Variants in ILRUN observed in about 807,000 individuals in gnomAD.
ILRUN encodes inflammation and lipid regulator with UBA-like and NBR1-like domains, also known as protein ILRUN.
ILRUN carries 3 observed loss-of-function variants against 33.8 expected under a neutral mutation model. The observed-to-expected ratio is 0.09, with a 90% CI of 0.04 to 0.23. ILRUN has a LOEUF of 0.23. Ranked by LOEUF, ILRUN falls within the 10% of genes least tolerant of loss-of-function variation. The pLI is 1.00. For synonymous variants in ILRUN, 124 were observed against 138.9 expected (o/e 0.89, Z 0.75); for missense variants, 210 against 375.1 (o/e 0.56, Z 3.64).
At chr6:34,613,586 G>GT (rs1165541235) in intron 3 of ILRUN, among the ~76,000 whole-genome samples, 1 of 152,208 alleles carries the variant, frequency 6.6e-6, no homozygotes, top group Non-Finnish European at 1.5e-5. Flanking sequence ...GTAAACGGAT[G>GT]TTATATAGTG....
chr6:34,660,618 T>TA (rs1420472346), intron 1 of ILRUN, among the ~76,000 whole-genome samples: 1 of 152,170 alleles, frequency 6.6e-6, no homozygotes, highest in Non-Finnish European at 1.5e-5. Flanking sequence ...TAAAGCCATG[T>TA]ACCACCAAGA....
intron 1 of ILRUN, among the ~76,000 whole-genome samples, chr6:34,689,072 T>C (rs1340169548): frequency 6.6e-6 from 1 of 152,190 alleles, no homozygotes; most frequent in Non-Finnish European, 1.5e-5. Context: ...TTAATGGGTG[T>C]AAAGTTTCAT....
At chr6:34,693,672 A>AT (rs71538256) in intron 1 of ILRUN, among the ~76,000 whole-genome samples, 9,200 of 145,056 alleles carry the variant, frequency 0.063, 537 homozygotes, top group East Asian at 0.32. Flanking sequence ...ATTTTATTTT[A>AT]TTTTTTTTTT....
intron 3 of ILRUN, among the ~76,000 whole-genome samples, chr6:34,639,437 C>T (rs997959475): frequency 1.6e-4 from 25 of 152,134 alleles, no homozygotes; most frequent in African/African-American, 5.8e-4. Context: ...ATCTGGAAGG[C>T]GGCTCTCTGT....
intron 3 of ILRUN, among the ~76,000 whole-genome samples, chr6:34,642,207 T>A (rs1460785409): frequency 6.6e-6 from 1 of 152,212 alleles, no homozygotes; most frequent in African/African-American, 2.4e-5. Context: ...ACGCTGGAGA[T>A]GCCCATAGCA....
chr6:34,637,278 C>T (rs536773525), intron 3 of ILRUN, among the ~76,000 whole-genome samples: 46 of 152,264 alleles, frequency 3.0e-4, no homozygotes, highest in Non-Finnish European at 5.9e-4. Flanking sequence ...TATTAAGATA[C>T]AAATTATGCT....
chr6:34,673,899 C>CCA (rs1424165638), intron 1 of ILRUN, among the ~76,000 whole-genome samples: 4 of 91,302 alleles, frequency 4.4e-5, no homozygotes, highest in Admixed American at 2.9e-4. Flanking sequence ...ACAGTAACAA[C>CCA]CACATACACA....
chr6:34,649,125 A>G (rs981587967), intron 2 of ILRUN, among the ~76,000 whole-genome samples: 2 of 152,258 alleles, frequency 1.3e-5, no homozygotes, highest in African/African-American at 4.8e-5. Context: ...CCTCTGGGCT[A>G]GAAGAGTTAT....
intron 1 of ILRUN, among the ~76,000 whole-genome samples, chr6:34,683,504 A>ATATACATATATATATG (rs1763447103): frequency 1.0e-5 from 1 of 99,282 alleles, no homozygotes; most frequent in African/African-American, 5.8e-5. Context: ...ATATACATAT[A>ATATACATATATATATG]TATATATATA....
intron 4 of ILRUN, among the ~76,000 whole-genome samples, chr6:34,600,770 A>T (rs187498823): frequency 2.3e-4 from 35 of 152,340 alleles, no homozygotes; most frequent in African/African-American, 8.4e-4. Context: ...TATTTGGTCA[A>T]CAATTGCCTT....
intron 3 of ILRUN, among the ~76,000 whole-genome samples, chr6:34,640,030 A>G (rs780223648): frequency 6.6e-6 from 1 of 152,060 alleles, no homozygotes; most frequent in Non-Finnish European, 1.5e-5. Context: ...GGTGGGGTGG[A>G]GTGGGAAGGG....
At chr6:34,627,540 G>A (rs1037765237) in intron 3 of ILRUN, among the ~76,000 whole-genome samples, 3 of 152,134 alleles carry the variant, frequency 2.0e-5, no homozygotes, top group African/African-American at 4.8e-5. Flanking sequence ...TATTGTTGGC[G>A]TTTGGGATTA....
intron 3 of ILRUN, among the ~76,000 whole-genome samples, chr6:34,623,075 A>G (rs1172001475): frequency 6.6e-6 from 1 of 152,174 alleles, no homozygotes; most frequent in Admixed American, 6.6e-5. Context: ...GGCGGTTTCC[A>G]ATGGCTGGGG....
Position 34,683,475 on chromosome 6 carries a change from C to T in ILRUN, c.158+12971G>A, listed in dbSNP as rs9766207. Among the ~76,000 whole-genome samples, 272 of 79,706 alleles carry T rather than the reference C, an allele frequency of 3.4e-3. 7 individuals are homozygous for T. The highest frequency in any genetic ancestry group is 0.012 in the African/African-American group (173 of 14,882). The allele number at this position is 79,706 out of a possible 152,430, so 52.3% of individuals were successfully genotyped here. ...ATACATATATATACATATATATACA[C>T]ATATATATATACATATATATATACA... On this transcript the variant is annotated intron_variant, in intron 1 of 4. Transcript: ENST00000374023.
intron 3 of ILRUN, among the ~76,000 whole-genome samples, chr6:34,637,864 C>CTGCTGCTGTTGTTGTTGTTGTTGT (rs749114775): frequency 2.3e-4 from 32 of 142,018 alleles, no homozygotes; most frequent in African/African-American, 8.1e-4. Context: ...GCTGCTGCTG[C>CTGCTGCTGTTGTTGTTGTTGTTGT]TGTTGTTGTT....
intron 3 of ILRUN, among the ~76,000 whole-genome samples, chr6:34,614,375 C>T (rs1761823735): frequency 6.7e-6 from 1 of 149,668 alleles, no homozygotes; most frequent in African/African-American, 2.5e-5. Context: ...TGAGCAGAGG[C>T]CACGCCACTG....
chr6:34,652,343 T>G (rs745977518), intron 2 of ILRUN, among the ~76,000 whole-genome samples: 1 of 152,152 alleles, frequency 6.6e-6, no homozygotes, highest in Non-Finnish European at 1.5e-5. Flanking sequence ...CTGTTATAAC[T>G]AACTGTTACA....
chr6:34,642,765 G>C (rs150933290), intron 3 of ILRUN, among the ~76,000 whole-genome samples: 2 of 139,558 alleles, frequency 1.4e-5, no homozygotes, highest in East Asian at 4.4e-4. Context: ...GAGGAGGGAG[G>C]ACCACTTGAG....
At chr6:34,667,778 C>T (rs1353112857) in intron 1 of ILRUN, among the ~76,000 whole-genome samples, 3 of 152,130 alleles carry the variant, frequency 2.0e-5, no homozygotes, top group East Asian at 1.9e-4. Context: ...TAGGACACTC[C>T]GACTGGCATA....
Sources: allele counts gnomAD v4.1 joint callset (sites outside exome capture counted in the v4.1 genomes callset), GRCh38; gene constraint gnomAD v4.1.1; transcripts MANE v1.5; gene names NCBI Gene and HGNC (gene_info 2026-07-23, HGNC 2026-07-21).